Variants in GGACT observed in about 807,000 individuals in gnomAD.
GGACT encodes gamma-glutamylaminecyclotransferase.
For synonymous variants in GGACT, 118 were observed against 115.3 expected (o/e 1.02, Z -0.15); for missense variants, 241 against 233.2 (o/e 1.03, Z -0.22).
intron 1 of GGACT, among the ~76,000 whole-genome samples, chr13:100,585,007 C>G (rs1397968388): frequency 6.6e-6 from 1 of 152,074 alleles, no homozygotes; most frequent in African/African-American, 2.4e-5. Context: ...AAAGTCAAAC[C>G]ACTTCTGAAG....
intron 2 of GGACT, among the ~76,000 whole-genome samples, chr13:100,535,104 T>C (rs1025101570): frequency 1.2e-4 from 19 of 152,192 alleles, no homozygotes; most frequent in Non-Finnish European, 2.6e-4. Context: ...CCCAGGCTGG[T>C]GGCGATCTAG....
chr13:100,563,680 A>G (rs966638886), intron 2 of GGACT, among the ~76,000 whole-genome samples: 7 of 152,200 alleles, frequency 4.6e-5, no homozygotes, highest in African/African-American at 1.7e-4. Flanking sequence ...AAACTTTAAA[A>G]GATGATACAG....
chr13:100,564,233 T>C (rs2088790152), intron 2 of GGACT, among the ~76,000 whole-genome samples: 1 of 152,212 alleles, frequency 6.6e-6, no homozygotes. Flanking sequence ...AAATCATTGA[T>C]TGTGGGAAGG....
chr13:100,586,490 C>G (rs1008855383), intron 1 of GGACT, among the ~76,000 whole-genome samples: 1 of 149,850 alleles, frequency 6.7e-6, no homozygotes, highest in Non-Finnish European at 1.5e-5. Flanking sequence ...CACCCCCGAC[C>G]CCACCCCTCC....
chr13:100,547,722 C>T (rs1168732438), intron 2 of GGACT, among the ~76,000 whole-genome samples: 1 of 152,212 alleles, frequency 6.6e-6, no homozygotes, highest in Non-Finnish European at 1.5e-5. Context: ...TTCAATAAAA[C>T]AGGACAAGAA....
intron 2 of GGACT, among the ~76,000 whole-genome samples, chr13:100,566,611 T>C (rs772257573): frequency 6.8e-6 from 1 of 147,396 alleles, no homozygotes; most frequent in African/African-American, 2.5e-5. Context: ...CAGCAACTCA[T>C]GCTCCTCGGC....
intron 2 of GGACT, among the ~76,000 whole-genome samples, chr13:100,583,061 C>T (rs1875465304): frequency 6.6e-6 from 1 of 152,100 alleles, no homozygotes. Flanking sequence ...ATAGAAGGAA[C>T]TCTCAAATAC....
At chr13:100,535,786 G>A (rs2088483154) in intron 2 of GGACT, 1 of 152,108 alleles carries the variant, frequency 6.6e-6, no homozygotes, top group South Asian at 2.1e-4. Context: ...ATTAAAAATT[G>A]CTTCAAGTTT....
chr13:100,539,604 C>T, intron 2 of GGACT: 1 of 427,660 alleles, frequency 2.3e-6, no homozygotes, highest in East Asian at 4.1e-5. Context: ...ATTCTGTTTG[C>T]TAGTGTGTTG....
Position 100,531,086 on chromosome 13 carries a change from T to C in GGACT, c.*1044A>G, listed in dbSNP as rs2088365561. The C allele has an allele frequency of 6.6e-6, 1 of 152,266 alleles. No individual in the cohort carries two copies. Among genetic ancestry groups the C allele is most frequent in the African/African-American group, 2.4e-5 (1 of 41,470 alleles). 9.4% of individuals were successfully genotyped at this position (152,266 alleles called of 1,614,324 possible). A position where few individuals can be genotyped will look rare whatever the true frequency, so the allele number is the denominator to read the frequency against. The stretch of plus-strand genomic sequence containing the variant: ...GAGCTCTCCCAACAGAGAATGAGGT[T>C]ACTAAAGATCACAGCAGCTGCATTT... On this transcript the variant is annotated 3_prime_UTR_variant, in exon 3 of 3. Transcript: ENST00000683975.
At position 100,534,878 on chromosome 13, in the gene GGACT, C is replaced by G. The variant is rs953499161; in HGVS notation, c.-10-2277G>C. ...ACCTCATCTCCTGCACCCTCTCTCC[C>G]CTCATCCAGGTGGCTCCTGCCCCGA... is the stretch of plus-strand genomic sequence containing the variant. On this transcript the variant is annotated intron_variant, in intron 2 of 2. Coordinates refer to ENST00000683975, the MANE Select transcript of GGACT (RefSeq NM_001195087.2). The surrounding 1 kb of genome is among the most constrained non-coding windows in gnomAD (Gnocchi z 4.9). Among the ~76,000 whole-genome samples the G allele has an allele frequency of 6.6e-5, 10 of 152,224 alleles. No individual in the cohort carries two copies. The highest frequency in any genetic ancestry group is 2.4e-4 in the African/African-American group (10 of 41,468).
At chr13:100,541,382 T>G (rs538085027) in intron 2 of GGACT, among the ~76,000 whole-genome samples, 1 of 152,214 alleles carries the variant, frequency 6.6e-6, no homozygotes. Flanking sequence ...TGATTTCAAG[T>G]TCTTGAGCTT....
At chr13:100,540,453 T>C (rs2088542718) in intron 2 of GGACT, among the ~76,000 whole-genome samples, 1 of 152,214 alleles carries the variant, frequency 6.6e-6, no homozygotes, top group South Asian at 2.1e-4. Context: ...CTGCAAGATG[T>C]GTTGTTCTGT....
intron 2 of GGACT, among the ~76,000 whole-genome samples, chr13:100,566,642 T>C (rs201420550): frequency 1.0e-4 from 1 of 9,864 alleles, no homozygotes; most frequent in Non-Finnish European, 8.1e-4. Context: ...GGTAACTGGG[T>C]GGGTAGGTAT....
chr13:100,532,189 CATG>C lies in GGACT; in HGVS notation c.400_402del (p.His134del), dbSNP rs1566526309. 4.8e-6 allele frequency: 7 copies of C among 1,470,706 alleles called. No homozygotes were observed. Among genetic ancestry groups the C allele is most frequent in the Non-Finnish European group, 6.3e-6 (7 of 1,104,410 alleles). 91.1% of individuals were successfully genotyped at this position (1,470,706 alleles called of 1,614,324 possible). On this transcript the variant is annotated inframe_deletion, in exon 3 of 3. Transcript: ENST00000683975. ...TGCGGCCCCTCGGAGTCGTAGCTGT[CATG>C]GTGCGGGAGCTGGGCCCACTCCGGC...
In GGACT at chr13:100,530,242, G is replaced by T; in HGVS notation, c.*1888C>A. 1 of 1,170,096 alleles carries T rather than the reference G, an allele frequency of 8.5e-7. No homozygotes were observed. Among genetic ancestry groups the T allele is most frequent in the Non-Finnish European group, 1.3e-6 (1 of 779,934 alleles). The allele number at this position is 1,170,096 out of a possible 1,614,324, so 72.5% of individuals were successfully genotyped here. A position where few individuals can be genotyped will look rare whatever the true frequency, so the allele number is the denominator to read the frequency against. On this transcript the variant is annotated 3_prime_UTR_variant, in exon 3 of 3. Transcript: ENST00000683975. ...ATGCTTTCACACACAATTGATTCAA[G>T]CATTATACAGGAACACCCCTGTGCA... is the stretch of plus-strand genomic sequence containing the variant.
chr13:100,558,418 A>G (rs1230763679), intron 2 of GGACT, among the ~76,000 whole-genome samples: 3 of 152,238 alleles, frequency 2.0e-5, no homozygotes, highest in African/African-American at 7.2e-5. Flanking sequence ...GATGCTCACT[A>G]TCATTAGTTA....
intron 1 of GGACT, among the ~76,000 whole-genome samples, chr13:100,585,574 T>C (rs2153017680): frequency 6.6e-6 from 1 of 151,986 alleles, no homozygotes. Flanking sequence ...TCCAGACCAG[T>C]GTGGCCAACA....
At chr13:100,587,738 G>C (rs773915206) in intron 1 of GGACT, among the ~76,000 whole-genome samples, 2 of 152,144 alleles carry the variant, frequency 1.3e-5, no homozygotes, top group Admixed American at 6.6e-5. Context: ...TTTAAAAAAG[G>C]CCACAAATCC....
Sources: allele counts gnomAD v4.1 joint callset (sites outside exome capture counted in the v4.1 genomes callset), GRCh38; gene constraint gnomAD v4.1.1; non-coding constraint Gnocchi (gnomAD v3.1); transcripts MANE v1.5; gene names NCBI Gene and HGNC (gene_info 2026-07-23, HGNC 2026-07-21).